Variants in GPC1 observed in about 807,000 individuals in gnomAD.
The protein encoded by GPC1 is glypican-1.
Under a neutral mutation model 51.5 loss-of-function variants are expected in GPC1, and 26 were observed. That is an observed-to-expected ratio of 0.50 (90% CI 0.37 to 0.70). The LOEUF (loss-of-function observed/expected upper bound fraction) is 0.70, where lower values mean the gene tolerates loss of function less well. Among genes scored for constraint, GPC1 ranks in the 30% least tolerant of loss-of-function variants. The pLI, the probability that GPC1 is intolerant of heterozygous loss-of-function variation, is 0.00. For synonymous variants in GPC1, 380 were observed against 348.3 expected, an observed-to-expected ratio of 1.09 and a Z score of -1.01; for missense variants, 775 against 800.5, an observed-to-expected ratio of 0.97 and a Z score of 0.38.
intron 6 of GPC1, 43 bp from the exon 7 acceptor site, chr2:240,465,034 G>A (rs372781424): frequency 1.1e-5 from 17 of 1,578,732 alleles, no homozygotes; most frequent in Middle Eastern, 1.7e-4. Context: ...AGGCAGAGGC[G>A]GGCGGGCCCT....
chr2:240,444,477 G>A (rs1266490675), intron 1 of GPC1, among the ~76,000 whole-genome samples: 2 of 152,158 alleles, frequency 1.3e-5, no homozygotes, highest in Admixed American at 6.5e-5. Context: ...CAGTGACCCC[G>A]ATGCTCTGAG....
In GPC1 at chr2:240,463,355, G is replaced by T. The variant is rs2074233343; in HGVS notation, c.726G>T (p.Leu242=). The T allele has an allele frequency of 5.6e-6, 9 of 1,612,602 alleles. No individual in the cohort carries two copies. Among genetic ancestry groups the T allele is most frequent in the Non-Finnish European group, 7.6e-6 (9 of 1,179,766 alleles). The change falls in exon 4 of 9, where the codon CTG becomes CTT. Residue 242 remains leucine, a synonymous_variant. Coordinates refer to ENST00000264039, the MANE Select transcript of GPC1 (RefSeq NM_002081.3). ...DVVRKVAQVP[L]GPECSRAVMK... is the part of the protein sequence containing the mutation. ...GGTCCCTTGCTCCCCAGGTCCCCCT[G>T]GGCCCGGAGTGCTCGAGAGCTGTCA...
chr2:240,459,596 G>A (rs2074199564), intron 2 of GPC1, among the ~76,000 whole-genome samples: 1 of 152,216 alleles, frequency 6.6e-6, no homozygotes, highest in South Asian at 2.1e-4. Flanking sequence ...CTGGAGCCAG[G>A]GAGCTCAGTG....
At chr2:240,464,785 G>A (rs1486471994) in intron 5 of GPC1, 39 bp downstream of exon 5, 5 of 1,580,510 alleles carry the variant, frequency 3.2e-6, no homozygotes, top group Non-Finnish European at 4.3e-6. Context: ...GCGGGGTGGG[G>A]GTCCTGGATG....
At chr2:240,445,102 C>G (rs1337775705) in intron 1 of GPC1, among the ~76,000 whole-genome samples, 3 of 152,290 alleles carry the variant, frequency 2.0e-5, no homozygotes, top group Admixed American at 6.5e-5. Flanking sequence ...ACGCGATGCC[C>G]CCTCCCCGAG....
At position 240,464,715 on chromosome 2, in the gene GPC1, T is replaced by C; in HGVS notation, c.983T>C (p.Leu328Pro). 6.2e-7 allele frequency: 1 copy of C among 1,611,492 alleles called. No individual in the cohort carries two copies. The highest frequency in any genetic ancestry group is 1.1e-5 in the South Asian group (1 of 90,794). Reference sequence around the variant, plus strand: ...TGGCTGGCGGAGGCCATCAACGCCCTCCAGGACAACAGGGACACGCTCACG... The same window carrying C: ...TGGCTGGCGGAGGCCATCAACGCCCCCCAGGACAACAGGGACACGCTCACG... ...HTWLAEAINA[L>P]QDNRDTLTAK... is the part of the protein sequence containing the mutation. Residue 328 changes from leucine to proline, a missense_variant, in exon 5 of 9, where the codon CTC becomes CCC. By Grantham distance (98) the Leu-to-Pro change is moderately conservative. Transcript: ENST00000264039.
At chr2:240,464,321 C>A (rs747602174) in intron 4 of GPC1, 28 of 420,572 alleles carry the variant, frequency 6.7e-5, no homozygotes, top group Non-Finnish European at 1.3e-4. Flanking sequence ...CCTGCATGAG[C>A]CAGCGTGGAC....
In GPC1 at chr2:240,466,984, C is replaced by G. The variant is rs538932560; in HGVS notation, c.*694C>G. On this transcript the variant is annotated 3_prime_UTR_variant, in exon 9 of 9. Transcript: ENST00000264039. ...CATGCGCAGATGAGGGGCCACTGAC[C>G]CACCTGCGCTTCTGCTGGAGGAGGG... is the stretch of plus-strand genomic sequence containing the variant. 6.6e-6 allele frequency: 1 copy of G among 152,398 alleles called. No homozygotes were observed. The highest frequency in any genetic ancestry group is 1.5e-5 in the Non-Finnish European group (1 of 68,066). The allele number at this position is 152,398 out of a possible 1,614,324, so 9.4% of individuals were successfully genotyped here.
At chr2:240,439,981 G>C (rs557566020) in intron 1 of GPC1, among the ~76,000 whole-genome samples, 1 of 152,200 alleles carries the variant, frequency 6.6e-6, no homozygotes, top group Non-Finnish European at 1.5e-5. Context: ...TGCCAGGCAG[G>C]CCACAGCACT....
At chr2:240,447,456 A>G (rs2074058392) in intron 1 of GPC1, among the ~76,000 whole-genome samples, 1 of 152,044 alleles carries the variant, frequency 6.6e-6, no homozygotes, top group Non-Finnish European at 1.5e-5. Context: ...ATGGAGGGGG[A>G]GGGCACGTAG....
rs764259330 is a variant in GPC1 at position 240,463,434 on chromosome 2, C to T, written c.805C>T (p.Pro269Ser). Residue 269 changes from proline (P) to serine (S), a missense_variant, in exon 4 of 9, where the codon CCT becomes TCT. Pro to Ser is a moderately conservative substitution (Grantham distance 74). Transcript: ENST00000264039. ...GGGAGTCCCCGGCGCCAGGCCCTGCCCTGACTATTGCCGAAATGTGCTCAA... is the reference window on the plus strand; with the variant it reads ...GGGAGTCCCCGGCGCCAGGCCCTGCTCTGACTATTGCCGAAATGTGCTCAA... The part of the protein sequence containing the change: ...CLGVPGARPC[P>S]DYCRNVLKGC... The T allele has an allele frequency of 1.9e-6, 3 of 1,612,932 alleles. No homozygotes were observed. Among genetic ancestry groups the T allele is most frequent in the East Asian group, 2.2e-5 (1 of 44,868 alleles).
In GPC1 at chr2:240,466,409, C is replaced by G; in HGVS notation, c.*119C>G. 1.6e-6 allele frequency: 1 copy of G among 642,548 alleles called. No individual in the cohort carries two copies. The highest frequency in any genetic ancestry group is 1.8e-5 in the African/African-American group (1 of 54,824). 39.8% of individuals were successfully genotyped at this position (642,548 alleles called of 1,614,324 possible). ...GGGGTGGGACAGGGAGGGCCGGCGG[C>G]TCTGAGCAGGGGCAGGCGCAGAGGT... On this transcript the variant is annotated 3_prime_UTR_variant, in exon 9 of 9. Transcript: ENST00000264039.
At chr2:240,457,858 G>A in intron 1 of GPC1, 1 of 348,578 alleles carries the variant, frequency 2.9e-6, no homozygotes, top group South Asian at 2.1e-5. Context: ...GATGAGACAG[G>A]CCCCTGAGGC....
intron 1 of GPC1, among the ~76,000 whole-genome samples, chr2:240,441,537 A>T (rs1033461170): frequency 1.3e-5 from 2 of 152,218 alleles, no homozygotes; most frequent in Non-Finnish European, 2.9e-5. Flanking sequence ...GGCCCTGTCC[A>T]GTGTCGACGT....
At chr2:240,450,401 A>C in intron 1 of GPC1, 1 of 351,758 alleles carries the variant, frequency 2.8e-6, no homozygotes, top group South Asian at 2.1e-5. Context: ...GGGGATGCTA[A>C]GGCTGTTCCT....
At chr2:240,447,399 G>A (rs2074057868) in intron 1 of GPC1, among the ~76,000 whole-genome samples, 1 of 152,238 alleles carries the variant, frequency 6.6e-6, no homozygotes, top group South Asian at 2.1e-4. Context: ...TCAGCGCCGT[G>A]AGGAGGGTGT....
chr2:240,443,141 C>T (rs552088116), intron 1 of GPC1, among the ~76,000 whole-genome samples: 1 of 152,390 alleles, frequency 6.6e-6, no homozygotes, highest in South Asian at 2.1e-4. Context: ...CCTGTGCCGT[C>T]ACAGAACTGG....
intron 2 of GPC1, among the ~76,000 whole-genome samples, chr2:240,460,703 C>G (rs1022000860): frequency 6.6e-6 from 1 of 152,190 alleles, no homozygotes; most frequent in Non-Finnish European, 1.5e-5. Context: ...GACCTGAAAA[C>G]ACAGACACCC....
At chr2:240,438,763 C>A (rs2073999988) in intron 1 of GPC1, among the ~76,000 whole-genome samples, 1 of 152,214 alleles carries the variant, frequency 6.6e-6, no homozygotes, top group African/African-American at 2.4e-5. Flanking sequence ...ATATTGGGCT[C>A]CCTTTTGAGA....
Sources: allele counts gnomAD v4.1 joint callset (sites outside exome capture counted in the v4.1 genomes callset), GRCh38; gene constraint gnomAD v4.1.1; transcripts MANE v1.5; gene names NCBI Gene and HGNC (gene_info 2026-07-23, HGNC 2026-07-21).